The following CFAP299 variants were observed in gnomAD, a reference collection of about 807,000 sequenced individuals.
CFAP299 encodes cilia and flagella associated protein 299, also known as cilia- and flagella-associated protein 299.
CFAP299 carries 21 observed loss-of-function variants against 27.0 expected under a neutral mutation model. That is an observed-to-expected ratio of 0.78 (90% CI 0.55 to 1.12). The LOEUF (loss-of-function observed/expected upper bound fraction) is 1.12. CFAP299 is among the 50% of genes most tolerant of loss of function. The pLI, the probability that CFAP299 is intolerant of heterozygous loss-of-function variation, is 0.00. For synonymous variants in CFAP299, 104 were observed against 98.1 expected (o/e 1.06, Z -0.36); for missense variants, 310 against 276.6 (o/e 1.12, Z -0.86).
At chr4:80,766,158 A>C (rs1317471108) in intron 3 of CFAP299, among the ~76,000 whole-genome samples, 1 of 152,194 alleles carries the variant, frequency 6.6e-6, no homozygotes. Flanking sequence ...AAAGACAAAA[A>C]GAAAATCTTT....
chr4:80,812,154 G>A (rs902196763), intron 3 of CFAP299, among the ~76,000 whole-genome samples: 1 of 152,022 alleles, frequency 6.6e-6, no homozygotes, highest in African/African-American at 2.4e-5. Flanking sequence ...TGAATAGTAT[G>A]TGTCTGTGAT....
chr4:80,681,427 C>CA (rs34709357), intron 3 of CFAP299, among the ~76,000 whole-genome samples: 16,456 of 143,418 alleles, frequency 0.11, 1,054 homozygotes, highest in Middle Eastern at 0.21. Flanking sequence ...GTGCCAGAGG[C>CA]AAAAAAAAAA....
chr4:80,708,342 A>G (rs1178030696), intron 3 of CFAP299, among the ~76,000 whole-genome samples: 2 of 151,944 alleles, frequency 1.3e-5, no homozygotes, highest in East Asian at 3.9e-4. Flanking sequence ...AGTAAGAAAC[A>G]GAGGCATTCT....
chr4:80,696,040 AC>A (rs2110022051), intron 3 of CFAP299, among the ~76,000 whole-genome samples: 1 of 152,122 alleles, frequency 6.6e-6, no homozygotes, highest in South Asian at 2.1e-4. Context: ...GGTGGCTCAC[AC>A]CTGTAATCCC....
chr4:80,679,157 A>T (rs958746413), intron 3 of CFAP299, among the ~76,000 whole-genome samples: 4 of 152,180 alleles, frequency 2.6e-5, no homozygotes, highest in African/African-American at 9.6e-5. Context: ...AAATAGGATT[A>T]TACACTGTAT....
At position 80,652,697 on chromosome 4, in the gene CFAP299, T is replaced by C. The variant is rs114435937; in HGVS notation, c.333+69514T>C. 8.3e-3 allele frequency among the ~76,000 whole-genome samples: 1,267 copies of C among 152,204 alleles called. 19 individuals carry two copies. Among genetic ancestry groups the C allele is most frequent in the African/African-American group, 0.03 (1,236 of 41,476 alleles). On this transcript the variant is annotated intron_variant, in intron 3 of 5. Transcript: ENST00000358105. ...TCCCTTCCTGGTCATTTTCTCACACTGTGTTGACCAACTACACTTCTCATG... is the reference window on the plus strand; with the variant it reads ...TCCCTTCCTGGTCATTTTCTCACACCGTGTTGACCAACTACACTTCTCATG...
chr4:80,394,405 GT>G (rs749367759), intron 2 of CFAP299, among the ~76,000 whole-genome samples: 3,331 of 140,958 alleles, frequency 0.024, 63 homozygotes, highest in Admixed American at 0.066. Flanking sequence ...GCTGTACACA[GT>G]TTTTTTTTTT....
chr4:80,943,513 A>C (rs577870280), intron 4 of CFAP299, among the ~76,000 whole-genome samples: 1 of 152,154 alleles, frequency 6.6e-6, no homozygotes, highest in African/African-American at 2.4e-5. Flanking sequence ...AAAAATAAAT[A>C]TTACAAACAT....
intron 2 of CFAP299, among the ~76,000 whole-genome samples, chr4:80,455,602 G>A (rs1014049974): frequency 6.6e-6 from 1 of 151,640 alleles, no homozygotes. Flanking sequence ...TCAAAAGTAA[G>A]AACAGTGAAG....
intron 2 of CFAP299, among the ~76,000 whole-genome samples, chr4:80,530,621 G>C (rs1390047781): frequency 6.6e-6 from 1 of 152,182 alleles, no homozygotes; most frequent in East Asian, 1.9e-4. Context: ...TTACTCTGTA[G>C]AGGGGAAGGA....
intron 2 of CFAP299, among the ~76,000 whole-genome samples, chr4:80,390,720 C>CAT (rs1208322596): frequency 6.5e-5 from 9 of 138,164 alleles, no homozygotes; most frequent in Non-Finnish European, 1.4e-4. Flanking sequence ...TGTATACACA[C>CAT]ATACATGTAT....
intron 1 of CFAP299, among the ~76,000 whole-genome samples, chr4:80,339,230 G>A (rs1370690897): frequency 6.6e-6 from 1 of 152,136 alleles, no homozygotes; most frequent in Non-Finnish European, 1.5e-5. Context: ...TGGTGTTAAT[G>A]GCTTCCCACT....
rs372733366 is a variant in CFAP299 at position 80,937,343 on chromosome 4, G to T, written c.477-7467G>T. On this transcript the variant is annotated intron_variant, in intron 4 of 5. Transcript: ENST00000358105. Reference sequence around the variant, plus strand: ...TTTTTTTTTTTTTTTTTGAGACAGGGTCTCACTCTGTTTCCCAAGCTGGAG... The same window carrying T: ...TTTTTTTTTTTTTTTTTGAGACAGGTTCTCACTCTGTTTCCCAAGCTGGAG... Among the ~76,000 whole-genome samples the T allele has an allele frequency of 3.4e-3, 281 of 81,830 alleles. 1 individual carries two copies. Among genetic ancestry groups the T allele is most frequent in the African/African-American group, 0.019 (257 of 13,350 alleles). 53.7% of individuals were successfully genotyped at this position (81,830 alleles called of 152,430 possible). A position where few individuals can be genotyped will look rare whatever the true frequency, so the allele number is the denominator to read the frequency against.
chr4:80,476,960 C>T (rs868517285), intron 2 of CFAP299, among the ~76,000 whole-genome samples: 1,659 of 106,668 alleles, frequency 0.016, 30 homozygotes, highest in African/African-American at 0.045. Context: ...TGTGCGCATG[C>T]GTGTGTGTGT....
At chr4:80,668,452 A>G (rs920059047) in intron 3 of CFAP299, among the ~76,000 whole-genome samples, 1 of 152,262 alleles carries the variant, frequency 6.6e-6, no homozygotes, top group Non-Finnish European at 1.5e-5. Context: ...TTAAGACTTC[A>G]GTCTGTAATC....
chr4:80,778,524 G>A (rs1726680195), intron 3 of CFAP299, among the ~76,000 whole-genome samples: 1 of 151,854 alleles, frequency 6.6e-6, no homozygotes, highest in Non-Finnish European at 1.5e-5. Context: ...AGTTTGTTTT[G>A]TTTTGTAGAA....
intron 4 of CFAP299, chr4:80,870,380 A>G (rs1733011043): frequency 8.7e-7 from 1 of 1,148,268 alleles, no homozygotes; most frequent in Non-Finnish European, 1.1e-6. Context: ...ATTCCTTTTT[A>G]ATGATAAGTA....
intron 3 of CFAP299, among the ~76,000 whole-genome samples, chr4:80,590,449 C>A (rs1453529138): frequency 1.3e-5 from 2 of 152,002 alleles, no homozygotes; most frequent in African/African-American, 4.8e-5. Context: ...CCAGCCTGAC[C>A]AACATGGTGA....
chr4:80,338,223 TTATATA>T, intron 1 of CFAP299, among the ~76,000 whole-genome samples: 1 of 152,336 alleles, frequency 6.6e-6, no homozygotes, highest in Middle Eastern at 3.4e-3. Context: ...ATGTTTTAAA[TTATATA>T]TATTGTGGAA....
Sources: allele counts gnomAD v4.1 joint callset (sites outside exome capture counted in the v4.1 genomes callset), GRCh38; gene constraint gnomAD v4.1.1; transcripts MANE v1.5; gene names NCBI Gene and HGNC (gene_info 2026-07-23, HGNC 2026-07-21).